Variants in MFSD1 observed in about 807,000 individuals in gnomAD.
The protein encoded by MFSD1 is major facilitator superfamily domain containing 1.
In MFSD1, 59 loss-of-function variants were observed where a neutral mutation model predicts 67.1. The ratio of observed to expected loss-of-function variants is 0.88; its 90% CI spans 0.71 to 1.09. The LOEUF (loss-of-function observed/expected upper bound fraction) is 1.09, where lower values mean the gene tolerates loss of function less well. Ranked by LOEUF, MFSD1 falls within the 50% of genes least tolerant of loss-of-function variation. The pLI is 0.00. For synonymous variants in MFSD1, 213 were observed against 200.3 expected, an observed-to-expected ratio of 1.06 and a Z score of -0.54; for missense variants, 552 against 566.1, an observed-to-expected ratio of 0.97 and a Z score of 0.25.
chr3:158,802,096 T>A lies in MFSD1; in HGVS notation c.-57T>A, dbSNP rs770818904. On this transcript the variant is annotated 5_prime_UTR_variant, in exon 1 of 16. Transcript: ENST00000415822. ...CTTGACAGTGTTCCACGGGCGCTGCTTCCTGCCTGGGTTTGGAGTTGTCAC... is the reference window on the plus strand; with the variant it reads ...CTTGACAGTGTTCCACGGGCGCTGCATCCTGCCTGGGTTTGGAGTTGTCAC... 3.8e-6 allele frequency: 6 copies of A among 1,594,132 alleles called. No homozygotes were observed. The East Asian group carries it at 1.4e-4, about 36-fold the overall frequency.
intron 11 of MFSD1, 78 bp downstream of exon 11, chr3:158,822,218 A>G: frequency 7.1e-7 from 1 of 1,412,058 alleles, no homozygotes; most frequent in Non-Finnish European, 9.7e-7. Context: ...AGGCACGCTC[A>G]GCAAATTCAG....
At position 158,829,354 on chromosome 3, in the gene MFSD1, G is replaced by A; in HGVS notation, c.*372G>A. 1 of 157,838 alleles carries A rather than the reference G, an allele frequency of 6.3e-6. No individual in the cohort carries two copies. Among genetic ancestry groups the A allele is most frequent in the Admixed American group, 6.5e-5 (1 of 15,350 alleles). 9.8% of individuals were successfully genotyped at this position (157,838 alleles called of 1,614,324 possible). A position where few individuals can be genotyped will look rare whatever the true frequency, so the allele number is the denominator to read the frequency against. On this transcript the variant is annotated 3_prime_UTR_variant, in exon 16 of 16. Coordinates refer to ENST00000415822, the MANE Select transcript of MFSD1 (RefSeq NM_022736.4). ...CAGCCTTTTCTTTATCTTATAGCAG[G>A]AAAAAAAAACTTTTGAGGGAAATAG...
intron 11 of MFSD1, chr3:158,823,152 C>T (rs1446859263): frequency 1.1e-5 from 4 of 368,436 alleles, no homozygotes; most frequent in African/African-American, 6.1e-5. Context: ...CTTACTTGGT[C>T]CTTGACTGCA....
At chr3:158,816,166 C>G (rs1730330274) in intron 7 of MFSD1, among the ~76,000 whole-genome samples, 1 of 151,922 alleles carries the variant, frequency 6.6e-6, no homozygotes, top group Non-Finnish European at 1.5e-5. Flanking sequence ...TGGGTATATA[C>G]CCAGTAATGG....
chr3:158,804,490 T>TG (rs1729623568), intron 2 of MFSD1, 119 bp downstream of exon 2: 4 of 680,736 alleles, frequency 5.9e-6, no homozygotes, highest in Middle Eastern at 4.1e-4. Context: ...TTTTGACATC[T>TG]GTAGTCACCA....
At chr3:158,817,285 A>G (rs925755477) in intron 7 of MFSD1, among the ~76,000 whole-genome samples, 14 of 152,240 alleles carry the variant, frequency 9.2e-5, no homozygotes, top group African/African-American at 3.4e-4. Context: ...AGGGTATTCA[A>G]TTAGGAAAAG....
intron 7 of MFSD1, among the ~76,000 whole-genome samples, chr3:158,816,843 G>T (rs1246920179): frequency 3.4e-5 from 5 of 146,890 alleles, no homozygotes; most frequent in Admixed American, 6.8e-5. Context: ...GGTAAGGAAG[G>T]GATCCAGTTT....
chr3:158,809,371 T>C, intron 6 of MFSD1, 84 bp downstream of exon 6: 1 of 848,192 alleles, frequency 1.2e-6, no homozygotes, highest in Non-Finnish European at 1.9e-6. Context: ...CAGGATGAAA[T>C]GTATTTGTGT....
At chr3:158,815,030 T>G (rs1167970876) in intron 7 of MFSD1, among the ~76,000 whole-genome samples, 1 of 152,132 alleles carries the variant, frequency 6.6e-6, no homozygotes, top group African/African-American at 2.4e-5. Context: ...TGAGGTGAAC[T>G]GAGATCACGC....
intron 6 of MFSD1, among the ~76,000 whole-genome samples, chr3:158,813,657 T>G (rs1730154497): frequency 6.6e-6 from 1 of 152,216 alleles, no homozygotes; most frequent in Admixed American, 6.5e-5. Flanking sequence ...TATTTTTGTC[T>G]TAGATACTCT....
At chr3:158,820,864 G>C (rs1730634612) in intron 9 of MFSD1, among the ~76,000 whole-genome samples, 1 of 151,978 alleles carries the variant, frequency 6.6e-6, no homozygotes, top group African/African-American at 2.4e-5. Flanking sequence ...GGGATTACGG[G>C]GATTACAATT....
At chr3:158,820,438 T>C in intron 9 of MFSD1, 112 bp downstream of exon 9, 1 of 693,884 alleles carries the variant, frequency 1.4e-6, no homozygotes, top group Non-Finnish European at 2.5e-6. Flanking sequence ...ATAGTTTATA[T>C]TTTCACAGGA....
At chr3:158,811,325 G>C (rs1447941575) in intron 6 of MFSD1, among the ~76,000 whole-genome samples, 1 of 152,172 alleles carries the variant, frequency 6.6e-6, no homozygotes, top group Non-Finnish European at 1.5e-5. Context: ...CTGGGTTTTG[G>C]TCGTGTTAGG....
chr3:158,819,825 T>C (rs1730582274), intron 8 of MFSD1, 78 bp downstream of exon 8: 1 of 758,164 alleles, frequency 1.3e-6, no homozygotes, highest in Admixed American at 2.7e-5. Flanking sequence ...AAGTTCCTAA[T>C]GAAGTGTTGT....
At chr3:158,827,898 C>CAG (rs151289408) in intron 15 of MFSD1, among the ~76,000 whole-genome samples, 1 of 125,320 alleles carries the variant, frequency 8.0e-6, no homozygotes, top group Non-Finnish European at 1.6e-5. Flanking sequence ...GAGAGAGACA[C>CAG]AGAGAGAGAG....
chr3:158,806,287 A>C (rs888115155), intron 3 of MFSD1, among the ~76,000 whole-genome samples: 4 of 152,330 alleles, frequency 2.6e-5, no homozygotes, highest in African/African-American at 7.2e-5. Flanking sequence ...CTTCTGGGGA[A>C]CAGATTCCTT....
intron 7 of MFSD1, among the ~76,000 whole-genome samples, chr3:158,817,161 T>C (rs1479844468): frequency 1.3e-5 from 2 of 152,152 alleles, no homozygotes; most frequent in East Asian, 3.8e-4. Flanking sequence ...GGGCAAAAAC[T>C]GGAAGCATTC....
At chr3:158,804,394 T>A (rs999249889) in intron 2 of MFSD1, 23 bp downstream of exon 2, 1 of 1,592,982 alleles carries the variant, frequency 6.3e-7, no homozygotes, top group Non-Finnish European at 8.6e-7. Flanking sequence ...TTCACTCTTG[T>A]TTCTTTTGTT....
At chr3:158,827,976 G>GAGACAGAGAC in intron 15 of MFSD1, among the ~76,000 whole-genome samples, 1 of 78,916 alleles carries the variant, frequency 1.3e-5, no homozygotes, top group Non-Finnish European at 2.5e-5. Context: ...GAGAGAGAGA[G>GAGACAGAGAC]AGACAGAGAT....
Sources: gnomAD v4.1 joint callset for allele counts (sites outside exome capture counted in the v4.1 genomes callset) on GRCh38, gnomAD v4.1.1 for gene constraint, MANE v1.5 for transcripts, NCBI Gene and HGNC (gene_info 2026-07-23, HGNC 2026-07-21) for gene names.